NGF: variants seen among roughly 807,000 people sequenced by gnomAD.
NGF encodes nerve growth factor.
A neutral mutation model predicts 12.8 loss-of-function variants in NGF; 4 were observed. The observed-to-expected ratio is 0.31, with a 90% CI of 0.15 to 0.72. The LOEUF (loss-of-function observed/expected upper bound fraction) is 0.72, where lower values mean the gene tolerates loss of function less well. Ranked by LOEUF, NGF falls within the 30% of genes least tolerant of loss-of-function variation. NGF has a pLI of 0.69. For synonymous variants in NGF, 140 were observed against 130.0 expected, an observed-to-expected ratio of 1.08 and a Z score of -0.52; for missense variants, 283 against 330.8, an observed-to-expected ratio of 0.86 and a Z score of 1.12.
chr1:115,299,535 G>A (rs1653970002), intron 1 of NGF, among the ~76,000 whole-genome samples: 1 of 152,130 alleles, frequency 6.6e-6, no homozygotes, highest in Admixed American at 6.5e-5. Context: ...TTCAAAGTGT[G>A]GGTAATTACA....
chr1:115,286,373 C>A lies in NGF; in HGVS notation c.423G>T (p.Val141=). 6.2e-7 allele frequency: 1 copy of A among 1,613,990 alleles called. No homozygotes were observed. The highest frequency in any genetic ancestry group is 8.5e-7 in the Non-Finnish European group (1 of 1,180,010). ...GEFSVCDSVS[V]WVGDKTTATD... ...TGGCGGTGGTCTTATCCCCAACCCA[C>A]ACGCTGACACTGTCACACACCGAGA... Residue 141 remains valine (V), a synonymous_variant, in exon 3 of 3, where the codon GTG becomes GTT. Coordinates refer to ENST00000369512, the MANE Select transcript of NGF (RefSeq NM_002506.3).
chr1:115,299,110 T>C (rs1002890397), intron 1 of NGF, among the ~76,000 whole-genome samples: 4 of 152,224 alleles, frequency 2.6e-5, no homozygotes, highest in African/African-American at 4.8e-5. Context: ...GATGATTTGA[T>C]GTGTTTAACT....
intron 1 of NGF, among the ~76,000 whole-genome samples, chr1:115,306,107 C>T (rs749407415): frequency 6.6e-6 from 1 of 152,158 alleles, no homozygotes; most frequent in Non-Finnish European, 1.5e-5. Context: ...TAGAAACTTA[C>T]CCTAATGATT....
chr1:115,316,577 T>C (rs1654481177), intron 1 of NGF, among the ~76,000 whole-genome samples: 1 of 152,218 alleles, frequency 6.6e-6, no homozygotes, highest in African/African-American at 2.4e-5. Context: ...TGAATAGAGC[T>C]TTGCACAGAG....
intron 1 of NGF, among the ~76,000 whole-genome samples, chr1:115,322,984 C>T (rs568205010): frequency 7.8e-4 from 119 of 152,272 alleles, no homozygotes; most frequent in African/African-American, 2.8e-3. Context: ...ATGTGCCAAA[C>T]ACAGTGCTAA....
chr1:115,313,538 C>A (rs188443672), intron 1 of NGF, among the ~76,000 whole-genome samples: 2 of 152,256 alleles, frequency 1.3e-5, no homozygotes, highest in Non-Finnish European at 2.9e-5. Context: ...AAGGTAAAAG[C>A]GAAATACTCA....
chr1:115,287,591 C>G (rs576608530), intron 2 of NGF, among the ~76,000 whole-genome samples: 11 of 152,264 alleles, frequency 7.2e-5, no homozygotes, highest in Non-Finnish European at 1.6e-4. Flanking sequence ...TATAAGGAAA[C>G]TGATTCACAG....
At chr1:115,300,286 G>T (rs4073129) in intron 1 of NGF, among the ~76,000 whole-genome samples, 38,283 of 152,066 alleles carry the variant, frequency 0.25, 5,667 homozygotes, top group African/African-American at 0.42. Context: ...AACTGACACA[G>T]GGGATTCTAG....
At chr1:115,330,509 G>A (rs375357667) in intron 1 of NGF, among the ~76,000 whole-genome samples, 1 of 152,212 alleles carries the variant, frequency 6.6e-6, no homozygotes, top group Non-Finnish European at 1.5e-5. Flanking sequence ...GAGTAGTGCT[G>A]TCTTTCTCAA....
chr1:115,323,539 GC>G (rs1478267837), intron 1 of NGF, among the ~76,000 whole-genome samples: 1 of 152,136 alleles, frequency 6.6e-6, no homozygotes, highest in Non-Finnish European at 1.5e-5. Flanking sequence ...AGCACACAGT[GC>G]CCAGGCAGCT....
chr1:115,329,888 T>C (rs1230181920), intron 1 of NGF, among the ~76,000 whole-genome samples: 1 of 151,948 alleles, frequency 6.6e-6, no homozygotes, highest in East Asian at 1.9e-4. Flanking sequence ...TAGCTAGGAC[T>C]TACAGGTGTA....
intron 1 of NGF, among the ~76,000 whole-genome samples, chr1:115,296,248 C>T (rs1434034200): frequency 1.3e-5 from 2 of 152,150 alleles, no homozygotes; most frequent in Non-Finnish European, 2.9e-5. Context: ...GGGCCTTACA[C>T]ATCAGGAGGT....
At chr1:115,287,030 C>T (rs1016625244) in intron 2 of NGF, among the ~76,000 whole-genome samples, 5 of 152,142 alleles carry the variant, frequency 3.3e-5, no homozygotes, top group Non-Finnish European at 7.3e-5. Flanking sequence ...TCACCCCATC[C>T]GAGCTTCTCC....
intron 1 of NGF, among the ~76,000 whole-genome samples, chr1:115,309,088 G>A (rs578104405): frequency 1.3e-5 from 2 of 152,158 alleles, no homozygotes; most frequent in African/African-American, 2.4e-5. Flanking sequence ...GCAGAATGAC[G>A]TGGAGAAGGC....
Position 115,330,242 on chromosome 1 carries a change from A to G in NGF, c.-137+7962T>C, listed in dbSNP as rs1193371179. Among the ~76,000 whole-genome samples the G allele has an allele frequency of 3.9e-5, 6 of 152,206 alleles. No individual in the cohort carries two copies. In the East Asian group the frequency reaches 1.2e-3, roughly 29 times the overall value. On this transcript the variant is annotated intron_variant, in intron 1 of 2. Coordinates refer to ENST00000369512, the MANE Select transcript of NGF (RefSeq NM_002506.3). ...ATAAAATATTTCAGAAATTACAAAT[A>G]TCTGACAAAGCCATTTGCTTGGAAA... is the stretch of plus-strand genomic sequence containing the variant.
At chr1:115,297,849 AC>A (rs1157989194) in intron 1 of NGF, among the ~76,000 whole-genome samples, 3 of 152,110 alleles carry the variant, frequency 2.0e-5, no homozygotes, top group African/African-American at 7.2e-5. Context: ...CCTGTGTCTC[AC>A]CTTCAGAGAT....
At chr1:115,337,267 G>T (rs147627337) in intron 1 of NGF, among the ~76,000 whole-genome samples, 5,831 of 79,176 alleles carry the variant, frequency 0.074, 246 homozygotes, top group African/African-American at 0.12. Context: ...TTTTGTTTTT[G>T]TTTTTTTTTT....
chr1:115,291,108 G>T (rs1215741474), intron 2 of NGF, among the ~76,000 whole-genome samples: 1 of 152,106 alleles, frequency 6.6e-6, no homozygotes, highest in Non-Finnish European at 1.5e-5. Flanking sequence ...TGTATCACAG[G>T]CAGAATGTTT....
chr1:115,327,562 A>G (rs1446703347), intron 1 of NGF, among the ~76,000 whole-genome samples: 1 of 152,252 alleles, frequency 6.6e-6, no homozygotes, highest in African/African-American at 2.4e-5. Context: ...AAGGAAAGGT[A>G]ATTCGTTTCA....
Sources: gnomAD v4.1 joint callset for allele counts (sites outside exome capture counted in the v4.1 genomes callset) on GRCh38, gnomAD v4.1.1 for gene constraint, MANE v1.5 for transcripts, NCBI Gene and HGNC (gene_info 2026-07-23, HGNC 2026-07-21) for gene names.